Variants in EPHA3 observed in about 807,000 individuals in gnomAD.
EPHA3 encodes EPH receptor A3.
EPHA3 carries 42 observed loss-of-function variants against 107.1 expected under a neutral mutation model. The observed-to-expected ratio is 0.39, with a 90% confidence interval of 0.31 to 0.51. The LOEUF is 0.51. Ranked by LOEUF, EPHA3 falls within the 20% of genes least tolerant of loss-of-function variation. The pLI is 0.78. For synonymous variants in EPHA3, 461 were observed against 424.8 expected (o/e 1.09, Z -1.05); for missense variants, 1,183 against 1,211.2 (o/e 0.98, Z 0.35).
rs550192913 is a variant in EPHA3 at position 89,236,467 on chromosome 3, C to T, written c.814+25947C>T. Among the ~76,000 whole-genome samples the T allele has an allele frequency of 6.1e-4, 92 of 149,858 alleles. 1 individual carries two copies. The highest frequency in any genetic ancestry group is 3.5e-3 in the Admixed American group (52 of 15,012). On this transcript the variant is annotated intron_variant, in intron 3 of 16. Coordinates refer to ENST00000336596, the MANE Select transcript of EPHA3 (RefSeq NM_005233.6). ...TAAGTAAAACAATCAAGATTAATAA[C>T]AAATGACATTAAAACTGTGTACGAA...
At chr3:89,248,107 T>G (rs1705078574) in intron 3 of EPHA3, among the ~76,000 whole-genome samples, 1 of 152,194 alleles carries the variant, frequency 6.6e-6, no homozygotes, top group African/African-American at 2.4e-5. Context: ...TTCCTTAATC[T>G]AGACTAATAA....
At chr3:89,129,278 A>G (rs1361333272) in intron 2 of EPHA3, among the ~76,000 whole-genome samples, 3 of 152,084 alleles carry the variant, frequency 2.0e-5, no homozygotes, top group African/African-American at 7.2e-5. Flanking sequence ...ACTTGGACCC[A>G]TTAGCTCCTC....
At chr3:89,180,316 A>T (rs955361763) in intron 2 of EPHA3, among the ~76,000 whole-genome samples, 1 of 147,040 alleles carries the variant, frequency 6.8e-6, no homozygotes, top group Non-Finnish European at 1.5e-5. Flanking sequence ...TTTTTTTTTT[A>T]AAGTAAGTTA....
At chr3:89,137,392 T>C (rs1347274131) in intron 2 of EPHA3, among the ~76,000 whole-genome samples, 1 of 151,986 alleles carries the variant, frequency 6.6e-6, no homozygotes, top group Non-Finnish European at 1.5e-5. Flanking sequence ...TTTAATTATT[T>C]GGACCCTTAG....
chr3:89,383,607 AACTTC>A (rs1708552500), intron 5 of EPHA3, among the ~76,000 whole-genome samples: 1 of 150,900 alleles, frequency 6.6e-6, no homozygotes. Flanking sequence ...TAAGAAACAA[AACTTC>A]ACAGTGTGGT....
chr3:89,227,496 G>A (rs1261971129), intron 3 of EPHA3, among the ~76,000 whole-genome samples: 3 of 151,920 alleles, frequency 2.0e-5, no homozygotes, highest in Non-Finnish European at 2.9e-5. Context: ...TGTACGTTAC[G>A]AGAGACTGAA....
intron 12 of EPHA3, among the ~76,000 whole-genome samples, chr3:89,429,837 C>T (rs1709531964): frequency 6.6e-6 from 1 of 152,028 alleles, no homozygotes; most frequent in Non-Finnish European, 1.5e-5. Flanking sequence ...AATCTTGGCT[C>T]ACTGCAATCC....
At chr3:89,319,224 AAG>A (rs1258752971) in intron 3 of EPHA3, among the ~76,000 whole-genome samples, 1 of 151,956 alleles carries the variant, frequency 6.6e-6, no homozygotes, top group African/African-American at 2.4e-5. Context: ...GATTGAGAGT[AAG>A]AGAGAGGAGG....
At chr3:89,301,832 T>C (rs1261986154) in intron 3 of EPHA3, among the ~76,000 whole-genome samples, 3 of 152,104 alleles carry the variant, frequency 2.0e-5, no homozygotes, top group African/African-American at 7.2e-5. Flanking sequence ...GATATGGGTG[T>C]TGATAAACTC....
intron 3 of EPHA3, among the ~76,000 whole-genome samples, chr3:89,332,825 A>C (rs1342417032): frequency 1.3e-5 from 2 of 152,182 alleles, no homozygotes; most frequent in Admixed American, 6.6e-5. Context: ...ATACTAAAAG[A>C]GACCTATTTA....
intron 3 of EPHA3, among the ~76,000 whole-genome samples, chr3:89,229,073 C>T (rs909924385): frequency 1.3e-5 from 2 of 151,942 alleles, no homozygotes; most frequent in African/African-American, 4.8e-5. Context: ...GCATTCTTCT[C>T]ATTTTTCTGA....
chr3:89,400,015 C>G, intron 7 of EPHA3: 1 of 1,038,710 alleles, frequency 9.6e-7, no homozygotes, highest in South Asian at 4.6e-5. Context: ...CTAAAATTGG[C>G]CTAAAACTGG....
intron 3 of EPHA3, among the ~76,000 whole-genome samples, chr3:89,218,705 A>G (rs1704277655): frequency 6.6e-6 from 1 of 152,154 alleles, no homozygotes; most frequent in Admixed American, 6.6e-5. Flanking sequence ...GAAGACATTT[A>G]TGCAGCCAAA....
intron 2 of EPHA3, among the ~76,000 whole-genome samples, chr3:89,140,888 A>G (rs1046152628): frequency 6.6e-6 from 1 of 151,714 alleles, no homozygotes; most frequent in Non-Finnish European, 1.5e-5. Context: ...TATTGTTGGC[A>G]GTAGAGATGC....
chr3:89,312,904 AG>A (rs1280725463), intron 3 of EPHA3, among the ~76,000 whole-genome samples: 6 of 151,998 alleles, frequency 3.9e-5, no homozygotes, highest in African/African-American at 7.2e-5. Flanking sequence ...GTCCCTGTAA[AG>A]GACATAATCT....
chr3:89,333,433 T>C (rs1414541106), intron 3 of EPHA3, among the ~76,000 whole-genome samples: 1 of 152,234 alleles, frequency 6.6e-6, no homozygotes, highest in South Asian at 2.1e-4. Flanking sequence ...GCAAAGGCCT[T>C]ATCTAATTTG....
chr3:89,470,231 T>C (rs1201458580), intron 15 of EPHA3, among the ~76,000 whole-genome samples: 2 of 152,068 alleles, frequency 1.3e-5, no homozygotes, highest in Non-Finnish European at 2.9e-5. Flanking sequence ...AATGGCTACT[T>C]TTCAGGGTTG....
intron 7 of EPHA3, chr3:89,400,471 C>T (rs1184634456): frequency 1.3e-5 from 2 of 152,354 alleles, no homozygotes; most frequent in Admixed American, 6.5e-5. Context: ...CTCCTGACCT[C>T]GTGATCCGCC....
chr3:89,190,937 C>T (rs1266231889), intron 2 of EPHA3, among the ~76,000 whole-genome samples: 1 of 152,144 alleles, frequency 6.6e-6, no homozygotes, highest in Non-Finnish European at 1.5e-5. Context: ...GATCTTCTCT[C>T]CAAATATACT....
Sources: allele counts gnomAD v4.1 joint callset (sites outside exome capture counted in the v4.1 genomes callset), GRCh38; gene constraint gnomAD v4.1.1; transcripts MANE v1.5; gene names NCBI Gene and HGNC (gene_info 2026-07-23, HGNC 2026-07-21).